Variants in ARHGAP36 observed in about 807,000 individuals in gnomAD.
ARHGAP36 encodes the protein Rho GTPase activating protein 36.
A neutral mutation model predicts 32.9 loss-of-function variants in ARHGAP36; 7 were observed. That is an observed-to-expected ratio of 0.21 (90% confidence interval 0.12 to 0.40). ARHGAP36 has a LOEUF of 0.40. ARHGAP36 is among the 10% of genes least tolerant of loss of function. The pLI is 1.00. For missense variants in ARHGAP36, 383 were observed against 442.2 expected (o/e 0.87, Z 1.20); for synonymous variants, 165 against 168.3 (o/e 0.98, Z 0.15).
chrX:131,069,243 C>T (rs943641594), intron 1 of ARHGAP36, among the ~76,000 whole-genome samples: 3 of 112,267 alleles, frequency 2.7e-5, no homozygotes, highest in African/African-American at 9.7e-5. Context: ...TGGCTCCTGT[C>T]CTCCACTTGC....
intron 1 of ARHGAP36, among the ~76,000 whole-genome samples, chrX:131,060,654 C>T (rs1569363126): frequency 8.9e-6 from 1 of 112,173 alleles, no homozygotes; most frequent in Non-Finnish European, 1.9e-5. Context: ...ACCTTATATT[C>T]GCTGCTGCAT....
intron 1 of ARHGAP36, among the ~76,000 whole-genome samples, chrX:131,061,413 C>T (rs1168526820): frequency 9.0e-6 from 1 of 110,815 alleles, no homozygotes; most frequent in African/African-American, 3.3e-5. Context: ...CCAGAAAGGC[C>T]TTCTTTCCCA....
intron 1 of ARHGAP36, among the ~76,000 whole-genome samples, chrX:131,063,973 C>T (rs1207594400): frequency 1.8e-5 from 2 of 111,948 alleles, no homozygotes; most frequent in African/African-American, 6.5e-5. Flanking sequence ...CTCAGAGAAC[C>T]ATCATATCTT....
intron 11 of ARHGAP36, among the ~76,000 whole-genome samples, chrX:131,087,383 T>C (rs1237022710): frequency 9.0e-6 from 1 of 111,389 alleles, no homozygotes; most frequent in Non-Finnish European, 1.9e-5. Flanking sequence ...GAGGAAGACC[T>C]TGATTTTGAA....
At chrX:131,075,615 GTA>G (rs1351710235) in intron 1 of ARHGAP36, among the ~76,000 whole-genome samples, 1,293 of 40,446 alleles carry the variant, frequency 0.032, 26 homozygotes, top group African/African-American at 0.11. Context: ...ATATATGTGT[GTA>G]TATATATGTG....
Position 131,084,942 on chromosome X carries a change from A to C in ARHGAP36, c.833A>C (p.Asp278Ala). The change falls in exon 7 of 12, where the codon GAT (aspartate) becomes GCT (alanine). Residue 278 changes from aspartate (D) to alanine (A), a missense_variant. Asp to Ala is a moderately radical substitution (Grantham distance 126). Transcript: ENST00000276211. The stretch of plus-strand genomic sequence containing the variant: ...CGTGAAGAATTTGATCAAGGTCTGG[A>C]TGTAGTGCTGGATGACAATCAGAAT... ...QLREEFDQGL[D>A]VVLDDNQNVH... is the part of the protein sequence containing the mutation. The C allele has an allele frequency of 8.3e-7, 1 of 1,211,750 alleles. No individual in the cohort carries two copies. Among genetic ancestry groups the C allele is most frequent in the Non-Finnish European group, 1.1e-6 (1 of 895,512 alleles).
rs776548814 is a variant in ARHGAP36 at position 131,084,927 on chromosome X, T to A, written c.818T>A (p.Phe273Tyr). 2.5e-6 allele frequency: 3 copies of A among 1,210,152 alleles called. No homozygotes were observed. Among genetic ancestry groups the A allele is most frequent in the Non-Finnish European group, 3.4e-6 (3 of 895,245 alleles). ...VQRVRQLREE[F>Y]DQGLDVVLDD... ...TCCTTTTCCTAGCTCCGTGAAGAAT[T>A]TGATCAAGGTCTGGATGTAGTGCTG... is the stretch of plus-strand genomic sequence containing the variant. The change falls in exon 7 of 12, where the codon TTT becomes TAT. Residue 273 changes from phenylalanine to tyrosine, a missense_variant. Phe to Tyr is a conservative substitution (Grantham distance 22, BLOSUM62 3). Transcript: ENST00000276211.
At chrX:131,082,450 C>G (rs187029824) in intron 2 of ARHGAP36, among the ~76,000 whole-genome samples, 1,430 of 112,441 alleles carry the variant, frequency 0.013, 21 homozygotes, top group African/African-American at 0.043. Context: ...AGCTGGCTGC[C>G]GGGGAGCGAG....
chrX:131,085,482 T>C (rs551394159), intron 7 of ARHGAP36, 106 bp from the exon 8 acceptor site: 29 of 997,317 alleles, frequency 2.9e-5, no homozygotes, highest in African/African-American at 2.5e-4. Context: ...GCCTGGGTAC[T>C]TTCTCCATAA....
At position 131,088,952 on chromosome X, in the gene ARHGAP36, T is replaced by C; in HGVS notation, c.*167T>C. The C allele has an allele frequency of 1.5e-6, 1 of 687,756 alleles. No individual in the cohort carries two copies. The highest frequency in any genetic ancestry group is 2.0e-6 in the Non-Finnish European group (1 of 490,369). The allele number at this position is 687,756 out of a possible 1,213,427, so 56.7% of individuals were successfully genotyped here. On this transcript the variant is annotated 3_prime_UTR_variant, in exon 12 of 12. Coordinates refer to ENST00000276211, the MANE Select transcript of ARHGAP36 (RefSeq NM_144967.4). ...GAATTCCAAACACACTGCCAGCCCC[T>C]TCACTGGGGATGCTTGGTCTCTTCT...
At chrX:131,070,199 T>C (rs1361086366) in intron 1 of ARHGAP36, among the ~76,000 whole-genome samples, 2 of 112,569 alleles carry the variant, frequency 1.8e-5, no homozygotes, top group Admixed American at 1.9e-4. Context: ...TGGAAGAGCA[T>C]TGCTTCACTG....
At chrX:131,080,766 G>A (rs1341910369) in intron 1 of ARHGAP36, among the ~76,000 whole-genome samples, 1 of 112,410 alleles carries the variant, frequency 8.9e-6, no homozygotes, top group Non-Finnish European at 1.9e-5. Flanking sequence ...TTATGAAAAA[G>A]TAATATAATG....
intron 7 of ARHGAP36, 129 bp from the exon 8 acceptor site, chrX:131,085,459 G>C: frequency 1.2e-6 from 1 of 863,286 alleles, no homozygotes; most frequent in Non-Finnish European, 1.6e-6. Context: ...TTGGAAATGA[G>C]CAAAGGCAAG....
chrX:131,069,575 T>G (rs2079721846), intron 1 of ARHGAP36, among the ~76,000 whole-genome samples: 1 of 111,509 alleles, frequency 9.0e-6, no homozygotes, highest in Non-Finnish European at 1.9e-5. Context: ...GAAAGGGGAT[T>G]AGAGTCTGGC....
Position 131,078,877 on chromosome X carries a change from G to A in ARHGAP36, c.-142-2647G>A. 4 of 442,380 alleles carry A rather than the reference G, an allele frequency of 9.0e-6. No individual in the cohort carries two copies. In the South Asian group the frequency reaches 1.3e-4, roughly 15 times the overall value. 36.5% of individuals were successfully genotyped at this position (442,380 alleles called of 1,213,427 possible). On this transcript the variant is annotated intron_variant, in intron 1 of 11. Coordinates refer to ENST00000276211, the MANE Select transcript of ARHGAP36 (RefSeq NM_144967.4). ...ATTCTAAGGCCTTTGATTTCCTTCG[G>A]AATTGTAAGCATCTAGGCTGACTCA...
At chrX:131,068,819 A>T (rs2079716538) in intron 1 of ARHGAP36, among the ~76,000 whole-genome samples, 1 of 111,006 alleles carries the variant, frequency 9.0e-6, no homozygotes, top group African/African-American at 3.3e-5. Context: ...ACTTTTCTTA[A>T]TGGAGAGCTC....
At chrX:131,069,353 G>A (rs1177764500) in intron 1 of ARHGAP36, among the ~76,000 whole-genome samples, 2 of 111,858 alleles carry the variant, frequency 1.8e-5, no homozygotes, top group Non-Finnish European at 3.8e-5. Flanking sequence ...AAAATACCCA[G>A]GCTTCAGAGT....
intron 1 of ARHGAP36, among the ~76,000 whole-genome samples, chrX:131,079,038 G>C (rs1388770102): frequency 1.8e-5 from 2 of 111,716 alleles, no homozygotes; most frequent in Non-Finnish European, 3.8e-5. Context: ...AACCAGCTCT[G>C]CTCTTTGGAT....
At chrX:131,072,493 G>A (rs1333589547) in intron 1 of ARHGAP36, among the ~76,000 whole-genome samples, 5 of 112,400 alleles carry the variant, frequency 4.4e-5, no homozygotes, top group Non-Finnish European at 9.4e-5. Context: ...GAAGCAAAGT[G>A]CTGTGGCAAA....
Sources: gnomAD v4.1 joint callset for allele counts (sites outside exome capture counted in the v4.1 genomes callset) on GRCh38, gnomAD v4.1.1 for gene constraint, MANE v1.5 for transcripts, NCBI Gene and HGNC (gene_info 2026-07-23, HGNC 2026-07-21) for gene names.